The following CDH12 variants were observed in gnomAD, a reference collection of about 807,000 sequenced individuals.
CDH12 encodes the protein cadherin 12.
Under a neutral mutation model 74.1 loss-of-function variants are expected in CDH12, and 41 were observed. The ratio of observed to expected loss-of-function variants is 0.55; its 90% confidence interval spans 0.43 to 0.72. The LOEUF (loss-of-function observed/expected upper bound fraction) is 0.72, where lower values mean the gene tolerates loss of function less well. CDH12 is among the 30% of genes least tolerant of loss of function. The probability of loss-of-function intolerance (pLI) is 0.00; values close to 1 mark genes in which losing one functional copy is unlikely to be tolerated. For missense variants in CDH12, 945 were observed against 977.2 expected (o/e 0.97, Z 0.44); for synonymous variants, 399 against 355.0 (o/e 1.12, Z -1.39).
intron 1 of CDH12, among the ~76,000 whole-genome samples, chr5:22,675,139 C>T (rs554890452): frequency 1.3e-5 from 2 of 152,236 alleles, no homozygotes; most frequent in East Asian, 1.9e-4. Flanking sequence ...AAGCCCTTCC[C>T]GTCACAGGCC....
intron 12 of CDH12, among the ~76,000 whole-genome samples, chr5:21,763,574 T>G (rs1744843467): frequency 6.6e-6 from 1 of 152,192 alleles, no homozygotes; most frequent in Admixed American, 6.5e-5. Flanking sequence ...TATTTAAAGG[T>G]GATCAAAAAC....
chr5:22,241,571 A>G (rs1291791744), intron 3 of CDH12, among the ~76,000 whole-genome samples: 1 of 152,134 alleles, frequency 6.6e-6, no homozygotes, highest in East Asian at 1.9e-4. Flanking sequence ...TATTTTACGT[A>G]ATTCTTATAT....
intron 5 of CDH12, among the ~76,000 whole-genome samples, chr5:22,001,447 A>G (rs1327365679): frequency 6.6e-6 from 1 of 152,152 alleles, no homozygotes; most frequent in African/African-American, 2.4e-5. Flanking sequence ...TATGCAGTAA[A>G]CATGGGAAAA....
At chr5:22,708,253 G>A (rs916065759) in intron 1 of CDH12, among the ~76,000 whole-genome samples, 1 of 152,100 alleles carries the variant, frequency 6.6e-6, no homozygotes, top group African/African-American at 2.4e-5. Flanking sequence ...GGTGAGTATT[G>A]GAGATACAAA....
chr5:22,019,854 T>C (rs924861196), intron 5 of CDH12, among the ~76,000 whole-genome samples: 12 of 152,288 alleles, frequency 7.9e-5, no homozygotes, highest in African/African-American at 2.6e-4. Context: ...TTTTCTAAAC[T>C]GGGAGTGGCA....
At chr5:22,577,889 C>A in intron 1 of CDH12, among the ~76,000 whole-genome samples, 1 of 152,160 alleles carries the variant, frequency 6.6e-6, no homozygotes, top group East Asian at 1.9e-4. Context: ...CTAAAAGGAA[C>A]AACTAACATA....
At chr5:21,945,546 A>G (rs1755540266) in intron 6 of CDH12, among the ~76,000 whole-genome samples, 1 of 151,526 alleles carries the variant, frequency 6.6e-6, no homozygotes, top group Admixed American at 6.6e-5. Context: ...TCTTGGAACA[A>G]ATAAAAGTTA....
chr5:22,079,401 C>T (rs144887006), intron 4 of CDH12, among the ~76,000 whole-genome samples: 1 of 152,100 alleles, frequency 6.6e-6, no homozygotes, highest in East Asian at 1.9e-4. Flanking sequence ...AATTAAGAAC[C>T]ACAATGTAGA....
intron 1 of CDH12, among the ~76,000 whole-genome samples, chr5:22,808,526 G>T (rs931800626): frequency 1.3e-5 from 2 of 151,822 alleles, no homozygotes; most frequent in East Asian, 1.9e-4. Context: ...ATGGAACTAG[G>T]AGTAAAGACA....
intron 3 of CDH12, among the ~76,000 whole-genome samples, chr5:22,353,340 C>T (rs984024024): frequency 6.6e-6 from 1 of 151,988 alleles, no homozygotes; most frequent in Non-Finnish European, 1.5e-5. Context: ...GCTCAAAGAC[C>T]CTAAATTAAC....
At chr5:22,359,839 G>C (rs537502295) in intron 3 of CDH12, among the ~76,000 whole-genome samples, 1 of 151,974 alleles carries the variant, frequency 6.6e-6, no homozygotes, top group Non-Finnish European at 1.5e-5. Flanking sequence ...TACTGGGTAC[G>C]TAACGAAATG....
chr5:22,769,254 C>A (rs1746685169), intron 1 of CDH12, among the ~76,000 whole-genome samples: 1 of 152,140 alleles, frequency 6.6e-6, no homozygotes, highest in African/African-American at 2.4e-5. Flanking sequence ...GGGCACCATC[C>A]AATCAGCTGC....
intron 5 of CDH12, among the ~76,000 whole-genome samples, chr5:21,981,917 ACCTGCCTATG>A (rs1757323201): frequency 1.3e-5 from 2 of 152,178 alleles, no homozygotes; most frequent in African/African-American, 4.8e-5. Context: ...CAAGCAATCT[ACCTGCCTATG>A]CCTCTGAATG....
chr5:21,989,297 A>G (rs1402790202), intron 5 of CDH12, among the ~76,000 whole-genome samples: 1 of 152,242 alleles, frequency 6.6e-6, no homozygotes, highest in Non-Finnish European at 1.5e-5. Flanking sequence ...GCTTCAATGT[A>G]TTAGTAAATT....
At chr5:22,249,776 A>T (rs1753074628) in intron 3 of CDH12, among the ~76,000 whole-genome samples, 1 of 152,222 alleles carries the variant, frequency 6.6e-6, no homozygotes. Flanking sequence ...TTTTCTGGAA[A>T]GGTAATGGAG....
At chr5:22,057,660 C>G (rs1740834795) in intron 5 of CDH12, among the ~76,000 whole-genome samples, 1 of 152,120 alleles carries the variant, frequency 6.6e-6, no homozygotes, top group South Asian at 2.1e-4. Context: ...CCTCTATCCT[C>G]TCCTCCTCTC....
intron 3 of CDH12, among the ~76,000 whole-genome samples, chr5:22,357,314 T>A (rs1740605997): frequency 1.3e-5 from 2 of 152,138 alleles, no homozygotes; most frequent in South Asian, 4.1e-4. Context: ...TCTGTTTCTA[T>A]CCAGGTAGAC....
intron 4 of CDH12, among the ~76,000 whole-genome samples, chr5:22,119,231 C>T (rs183232496): frequency 2.4e-4 from 37 of 151,510 alleles, no homozygotes; most frequent in Non-Finnish European, 4.0e-4. Flanking sequence ...CTTTGATGTA[C>T]CCAGTATTGC....
chr5:22,787,001 A>T, intron 1 of CDH12, among the ~76,000 whole-genome samples: 1 of 151,878 alleles, frequency 6.6e-6, no homozygotes, highest in East Asian at 1.9e-4. Flanking sequence ...CACCTTTTTG[A>T]TTAATTAATT....
Sources: allele counts gnomAD v4.1 joint callset (sites outside exome capture counted in the v4.1 genomes callset), GRCh38; gene constraint gnomAD v4.1.1; transcripts MANE v1.5; gene names NCBI Gene and HGNC (gene_info 2026-07-23, HGNC 2026-07-21).